Variants in LAMC1 observed in about 807,000 individuals in gnomAD.
LAMC1 encodes the protein laminin subunit gamma 1.
Under a neutral mutation model 173.6 loss-of-function variants are expected in LAMC1, and 38 were observed. The observed-to-expected ratio is 0.22, with a 90% CI of 0.17 to 0.29. The LOEUF is 0.29. Ranked by LOEUF, LAMC1 falls within the 10% of genes least tolerant of loss-of-function variation. The probability of loss-of-function intolerance (pLI) is 1.00; values close to 1 mark genes in which losing one functional copy is unlikely to be tolerated. For synonymous variants in LAMC1, 746 were observed against 749.1 expected, an observed-to-expected ratio of 1.00 and a Z score of 0.07; for missense variants, 1,824 against 2,051.8, an observed-to-expected ratio of 0.89 and a Z score of 2.14.
At chr1:183,051,419 G>C (rs538826683) in intron 1 of LAMC1, among the ~76,000 whole-genome samples, 1 of 152,336 alleles carries the variant, frequency 6.6e-6, no homozygotes, top group Admixed American at 6.5e-5. Flanking sequence ...AGGCAGATGA[G>C]CCCACCTGGC....
At chr1:183,040,531 A>G (rs990653671) in intron 1 of LAMC1, among the ~76,000 whole-genome samples, 2 of 152,230 alleles carry the variant, frequency 1.3e-5, no homozygotes, top group Non-Finnish European at 2.9e-5. Flanking sequence ...AAATCAGGGT[A>G]TTAAATCTTC....
In LAMC1 at chr1:183,118,121, G is replaced by C; in HGVS notation, c.1965G>C (p.Lys655Asn). ...QKLLNNLTSI[K>N]IRGTYSERSA... ...TCCTAAACAACTTGACCTCTATCAA[G>C]ATACGTGGGACATACAGTGAGAGAA... The change falls in exon 11 of 28, where the codon AAG becomes AAC. Residue 655 changes from lysine to asparagine, a missense_variant. By Grantham distance (94) the Lys-to-Asn change is moderately conservative. Coordinates refer to ENST00000258341, the MANE Select transcript of LAMC1 (RefSeq NM_002293.4). 1 of 1,601,180 alleles carries C rather than the reference G, an allele frequency of 6.2e-7. No homozygotes were observed. The highest frequency in any genetic ancestry group is 1.1e-5 in the South Asian group (1 of 90,802).
chr1:183,039,353 T>C (rs567613103), intron 1 of LAMC1, among the ~76,000 whole-genome samples: 1 of 152,212 alleles, frequency 6.6e-6, no homozygotes, highest in African/African-American at 2.4e-5. Flanking sequence ...GGGTAAAGGG[T>C]CGTGATCAGT....
rs190791840 is a variant in LAMC1 at position 183,032,503 on chromosome 1, C to A, written c.418+8369C>A. ...GAGGAGATAGTAATTCAAAATCAGT[C>A]TTCTTCACATTGCTTGCTTTTTTTT... On this transcript the variant is annotated intron_variant, in intron 1 of 27. Coordinates refer to ENST00000258341, the MANE Select transcript of LAMC1 (RefSeq NM_002293.4). 3.3e-3 allele frequency among the ~76,000 whole-genome samples: 500 copies of A among 151,884 alleles called. 3 individuals are homozygous for A. The highest frequency in any genetic ancestry group is 0.012 in the African/African-American group (479 of 41,476).
chr1:183,023,752 G>T lies in LAMC1; in HGVS notation c.36G>T (p.Arg12=), dbSNP rs1379917565. 1.6e-6 allele frequency: 2 copies of T among 1,214,438 alleles called. No individual in the cohort carries two copies. Among genetic ancestry groups the T allele is most frequent in the Non-Finnish European group, 2.1e-6 (2 of 968,434 alleles). 75.2% of individuals were successfully genotyped at this position (1,214,438 alleles called of 1,614,324 possible). ...RGSHRAAPAL[R]PRGRLWPVLA... ...GCCATCGGGCCGCGCCGGCCCTGCG[G>T]CCCCGGGGGCGGCTCTGGCCCGTGC... The change falls in exon 1 of 28, where the codon CGG becomes CGT. Residue 12 remains arginine (R), a synonymous_variant. Transcript: ENST00000258341.
At chr1:183,073,889 G>T (rs1302318835) in intron 1 of LAMC1, among the ~76,000 whole-genome samples, 2 of 152,098 alleles carry the variant, frequency 1.3e-5, no homozygotes, top group Non-Finnish European at 2.9e-5. Flanking sequence ...CAAGTTTGAA[G>T]ATCAGGCCAC....
chr1:183,044,022 T>A (rs549822285), intron 1 of LAMC1, among the ~76,000 whole-genome samples: 9 of 152,278 alleles, frequency 5.9e-5, no homozygotes, highest in African/African-American at 2.2e-4. Context: ...CAGTTTTTTT[T>A]AATCCTTAGT....
chr1:183,057,718 T>A (rs1654634568), intron 1 of LAMC1, among the ~76,000 whole-genome samples: 1 of 151,540 alleles, frequency 6.6e-6, no homozygotes, highest in Non-Finnish European at 1.5e-5. Flanking sequence ...ATCACACCAC[T>A]CCACTCCAGC....
At chr1:183,081,344 TC>T (rs1185276819) in intron 1 of LAMC1, among the ~76,000 whole-genome samples, 3 of 151,936 alleles carry the variant, frequency 2.0e-5, no homozygotes, top group African/African-American at 4.8e-5. Context: ...ACACCTGTAA[TC>T]CCAGCACTTT....
intron 25 of LAMC1, 37 bp downstream of exon 25, chr1:183,136,622 A>T: frequency 6.6e-7 from 1 of 1,513,954 alleles, no homozygotes; most frequent in South Asian, 1.2e-5. Flanking sequence ...CCCTGCCCAT[A>T]TCTTTCTCTG....
At chr1:183,028,160 C>A (rs550264947) in intron 1 of LAMC1, among the ~76,000 whole-genome samples, 2 of 152,018 alleles carry the variant, frequency 1.3e-5, no homozygotes, top group East Asian at 3.9e-4. Flanking sequence ...TCCTCCCCCC[C>A]CCCACCTCTT....
At chr1:183,062,806 T>C (rs1202589202) in intron 1 of LAMC1, among the ~76,000 whole-genome samples, 3 of 152,132 alleles carry the variant, frequency 2.0e-5, no homozygotes, top group Admixed American at 1.3e-4. Context: ...ACAAAAAAAT[T>C]AGCTGTGCTT....
Position 183,136,534 on chromosome 1 carries a change from G to A in LAMC1, c.4263G>A (p.Glu1421=), listed in dbSNP as rs370786721. The part of the protein sequence containing the change: ...ALGSAAADAT[E]AKNKAHEAER... ...GCAGTGCTGCGGCGGATGCCACAGA[G>A]GCCAAGAACAAGGCCCATGAGGCGG... Residue 1421 remains glutamate (E), a synonymous_variant, in exon 25 of 28, where the codon GAG becomes GAA. Transcript: ENST00000258341. The A allele has an allele frequency of 2.2e-5, 35 of 1,613,778 alleles. No homozygotes were observed. Among genetic ancestry groups the A allele is most frequent in the Non-Finnish European group, 2.5e-5 (30 of 1,179,878 alleles).
chr1:183,026,548 T>C (rs1653692679), intron 1 of LAMC1, among the ~76,000 whole-genome samples: 2 of 152,240 alleles, frequency 1.3e-5, no homozygotes, highest in African/African-American at 4.8e-5. Flanking sequence ...CTCCATGGGC[T>C]GTAGCTAACT....
chr1:183,057,059 C>T (rs1654614997), intron 1 of LAMC1, among the ~76,000 whole-genome samples: 1 of 152,124 alleles, frequency 6.6e-6, no homozygotes, highest in Non-Finnish European at 1.5e-5. Context: ...GCTTTCAGGG[C>T]CTACTTGGGC....
rs765386633 is a variant in LAMC1 at position 183,117,411 on chromosome 1, C to A, written c.1656C>A (p.Asp552Glu). The A allele has an allele frequency of 4.3e-6, 7 of 1,613,768 alleles. No homozygotes were observed. The highest frequency in any genetic ancestry group is 3.4e-6 in the Non-Finnish European group (4 of 1,179,774). ...GGCAAGATATCGCCGTGATCTCAGA[C>A]AGCTACTTTCCTCGGTACTTCATTG... Reference protein sequence around the residue: ...SERQDIAVISDSYFPRYFIAP... With the variant: ...SERQDIAVISESYFPRYFIAP... The change falls in exon 9 of 28, where the codon GAC (aspartate) becomes GAA (glutamate). Residue 552 changes from aspartate to glutamate, a missense_variant. By Grantham distance (45) the Asp-to-Glu change is conservative. Coordinates refer to ENST00000258341, the MANE Select transcript of LAMC1 (RefSeq NM_002293.4).
chr1:183,124,652 A>G lies in LAMC1; in HGVS notation c.2423A>G (p.Asp808Gly). The change falls in exon 14 of 28, where the codon GAT becomes GGT. Residue 808 changes from aspartate to glycine, a missense_variant. Asp to Gly is a moderately conservative substitution (Grantham distance 94). Transcript: ENST00000258341. ...CCAGGTAAGAGATGTGAGCTCTGTG[A>G]TGATGGCTACTTTGGAGACCCCCTG... The part of the protein sequence containing the change: ...GTTGKRCELC[D>G]DGYFGDPLGR... 3 of 1,614,232 alleles carry G rather than the reference A, an allele frequency of 1.9e-6. No homozygotes were observed. The highest frequency in any genetic ancestry group is 1.7e-6 in the Non-Finnish European group (2 of 1,180,032).
rs1276557175 is a variant in LAMC1, at chr1:183,133,281, GC to G, written c.3705-124del. ...GCAAAATGTTGGTATTAAAATGCAA[GC>G]ATTTTAATGTAGCATTTCCTTTGAG... On this transcript the variant is annotated intron_variant, in intron 21 of 27. Transcript: ENST00000258341. 1.2e-5 allele frequency: 9 copies of G among 778,190 alleles called. No homozygotes were observed. The East Asian group carries it at 2.3e-4, about 20-fold the overall frequency. 48.2% of individuals were successfully genotyped at this position (778,190 alleles called of 1,614,324 possible). A position where few individuals can be genotyped will look rare whatever the true frequency, so the allele number is the denominator to read the frequency against.
intron 1 of LAMC1, among the ~76,000 whole-genome samples, chr1:183,044,636 T>C (rs1203051966): frequency 6.6e-6 from 1 of 152,080 alleles, no homozygotes; most frequent in Non-Finnish European, 1.5e-5. Context: ...TCACTAATCA[T>C]TGGAGAAAGG....
Sources: gnomAD v4.1 joint callset for allele counts (sites outside exome capture counted in the v4.1 genomes callset) on GRCh38, gnomAD v4.1.1 for gene constraint, MANE v1.5 for transcripts, NCBI Gene and HGNC (gene_info 2026-07-23, HGNC 2026-07-21) for gene names.